PRR5L: variants seen among roughly 807,000 people sequenced by gnomAD.
PRR5L encodes the protein proline rich 5 like, also known as proline-rich protein 5-like.
Under a neutral mutation model 36.4 loss-of-function variants are expected in PRR5L, and 21 were observed. The ratio of observed to expected loss-of-function variants is 0.58; its 90% CI spans 0.41 to 0.83. PRR5L has a LOEUF of 0.83. Among genes scored for constraint, PRR5L ranks in the 40% least tolerant of loss-of-function variants. PRR5L has a pLI of 0.00. For missense variants in PRR5L, 381 were observed against 473.3 expected (o/e 0.80, Z 1.81); for synonymous variants, 188 against 197.0 (o/e 0.95, Z 0.38).
chr11:36,389,210 G>A (rs958521485), intron 1 of PRR5L, among the ~76,000 whole-genome samples: 1 of 152,090 alleles, frequency 6.6e-6, no homozygotes, highest in Non-Finnish European at 1.5e-5. Context: ...TATGGCCTTT[G>A]TCACTTCGGT....
chr11:36,367,486 T>C (rs1354844084), intron 1 of PRR5L, among the ~76,000 whole-genome samples: 1 of 152,210 alleles, frequency 6.6e-6, no homozygotes, highest in East Asian at 1.9e-4. Context: ...ACTGAGACTC[T>C]CACTGCCTTC....
chr11:36,298,716 G>A (rs541644511), intron 1 of PRR5L, among the ~76,000 whole-genome samples: 17 of 152,220 alleles, frequency 1.1e-4, no homozygotes, highest in Non-Finnish European at 1.9e-4. Context: ...TGGGGGCCCC[G>A]GGCTTAAACA....
At chr11:36,457,748 C>A (rs548909290) in intron 8 of PRR5L, among the ~76,000 whole-genome samples, 1 of 152,312 alleles carries the variant, frequency 6.6e-6, no homozygotes, top group African/African-American at 2.4e-5. Flanking sequence ...GTCTCAGAGG[C>A]CCAGACATCT....
At chr11:36,376,614 G>T in intron 1 of PRR5L, 1 of 992,802 alleles carries the variant, frequency 1.0e-6, no homozygotes, top group Non-Finnish European at 1.2e-6. Flanking sequence ...GGGAAGACCG[G>T]AAACTTTTTC....
rs1363408093 is a variant in PRR5L, at chr11:36,464,379, AT to A, written c.*1646del. 2.6e-5 allele frequency: 4 copies of A among 152,218 alleles called. No individual in the cohort carries two copies. The highest frequency in any genetic ancestry group is 9.6e-5 in the African/African-American group (4 of 41,454). The allele number at this position is 152,218 out of a possible 1,614,324, so 9.4% of individuals were successfully genotyped here. ...GATGGCATTTCCCTTCTGAGTGAAG[AT>A]TTGAAATATGATTGATTAGAATTGT... On this transcript the variant is annotated 3_prime_UTR_variant, in exon 9 of 9. Transcript: ENST00000530639.
chr11:36,383,989 T>C (rs1857415039), intron 1 of PRR5L, among the ~76,000 whole-genome samples: 1 of 152,138 alleles, frequency 6.6e-6, no homozygotes, highest in Non-Finnish European at 1.5e-5. Context: ...CAATTACTAT[T>C]CCCTTTTATT....
intron 1 of PRR5L, among the ~76,000 whole-genome samples, chr11:36,335,434 G>T (rs1856760033): frequency 6.6e-6 from 1 of 151,874 alleles, no homozygotes; most frequent in Non-Finnish European, 1.5e-5. Context: ...TGTTTGGGGG[G>T]TAATGTGAAA....
chr11:36,416,060 C>A lies in PRR5L; in HGVS notation c.246-3195C>A, dbSNP rs116758049. ...ATCTTTCATATTATTTAGAGCACTT[C>A]TTCACACCCTTTTTAAAATAGTTGC... On this transcript the variant is annotated intron_variant, in intron 3 of 8. Transcript: ENST00000530639. Among the ~76,000 whole-genome samples the A allele has an allele frequency of 5.3e-3, 809 of 152,360 alleles. 7 individuals carry two copies. The highest frequency in any genetic ancestry group is 0.018 in the African/African-American group (763 of 41,594).
chr11:36,368,329 A>C (rs186294842), intron 1 of PRR5L, among the ~76,000 whole-genome samples: 2 of 152,204 alleles, frequency 1.3e-5, no homozygotes, highest in Admixed American at 1.3e-4. Context: ...TGGGGATTTT[A>C]GGGAGGGATT....
intron 1 of PRR5L, among the ~76,000 whole-genome samples, chr11:36,308,702 A>G (rs1362603546): frequency 6.6e-6 from 1 of 152,210 alleles, no homozygotes; most frequent in Non-Finnish European, 1.5e-5. Context: ...GGGACACAGT[A>G]CACTTCCTGA....
chr11:36,345,828 G>C (rs1391275335), intron 1 of PRR5L, among the ~76,000 whole-genome samples: 1 of 152,204 alleles, frequency 6.6e-6, no homozygotes, highest in Non-Finnish European at 1.5e-5. Flanking sequence ...CAGAAAGCTG[G>C]GAAGCGTCTA....
Position 36,344,004 on chromosome 11 carries a change from G to C in PRR5L, c.-126+47566G>C, listed in dbSNP as rs1856842290. Reference sequence around the variant, plus strand: ...GGCCGAGGCGGGTGGATCACCTGAAGTCAGGAGTTCGGGACCAGCCTGGCC... The same window carrying C: ...GGCCGAGGCGGGTGGATCACCTGAACTCAGGAGTTCGGGACCAGCCTGGCC... On this transcript the variant is annotated intron_variant, in intron 1 of 8. Transcript: ENST00000530639. This position sits in a 1 kb window ranked among gnomAD's most constrained non-coding sequence, Gnocchi z 4.1. 6.6e-6 allele frequency among the ~76,000 whole-genome samples: 1 copy of C among 151,918 alleles called. No individual in the cohort carries two copies. The highest frequency in any genetic ancestry group is 2.1e-4 in the South Asian group (1 of 4,828).
intron 1 of PRR5L, among the ~76,000 whole-genome samples, chr11:36,361,158 T>A (rs985981504): frequency 2.6e-5 from 4 of 152,192 alleles, no homozygotes; most frequent in Non-Finnish European, 5.9e-5. Context: ...AATATATTAT[T>A]TGCCTTTTCT....
At chr11:36,345,544 G>A (rs371180990) in intron 1 of PRR5L, among the ~76,000 whole-genome samples, 30 of 152,300 alleles carry the variant, frequency 2.0e-4, no homozygotes, top group African/African-American at 7.2e-4. Flanking sequence ...GTGAGACAAG[G>A]TCTATAGCTT....
intron 1 of PRR5L, among the ~76,000 whole-genome samples, chr11:36,380,161 A>G (rs1055943985): frequency 2.0e-5 from 3 of 152,344 alleles, no homozygotes; most frequent in African/African-American, 7.2e-5. Flanking sequence ...ATGAGGAGAC[A>G]GGAGGTGGGT....
intron 1 of PRR5L, among the ~76,000 whole-genome samples, chr11:36,329,873 A>C (rs146829296): frequency 1.3e-5 from 2 of 152,196 alleles, no homozygotes; most frequent in Non-Finnish European, 2.9e-5. Context: ...CTCATCTGTA[A>C]GGCTGGGAAC....
chr11:36,315,409 A>G (rs1480614069), intron 1 of PRR5L, among the ~76,000 whole-genome samples: 1 of 152,148 alleles, frequency 6.6e-6, no homozygotes, highest in Non-Finnish European at 1.5e-5. Context: ...GGAAATCCTG[A>G]TGTTATTTTG....
chr11:36,359,697 C>T lies in PRR5L; in HGVS notation c.-125-41300C>T, dbSNP rs149150531. On this transcript the variant is annotated intron_variant, in intron 1 of 8. Coordinates refer to ENST00000530639, the MANE Select transcript of PRR5L (RefSeq NM_001160167.2). ...AGGAGCGGATCAACAGAGACAGAGA[C>T]GGGATAAATCCAGACTGGTCTATAA... Among the ~76,000 whole-genome samples the T allele has an allele frequency of 6.6e-5, 10 of 152,254 alleles. No individual in the cohort carries two copies. The East Asian group carries it at 7.7e-4, about 12-fold the overall frequency.
At chr11:36,360,050 CA>C (rs1857069150) in intron 1 of PRR5L, among the ~76,000 whole-genome samples, 2 of 113,954 alleles carry the variant, frequency 1.8e-5, no homozygotes, top group Non-Finnish European at 3.6e-5. Flanking sequence ...CACACACACA[CA>C]CACACACACA....
Sources: allele counts gnomAD v4.1 joint callset (sites outside exome capture counted in the v4.1 genomes callset), GRCh38; gene constraint gnomAD v4.1.1; non-coding constraint Gnocchi (gnomAD v3.1); transcripts MANE v1.5; gene names NCBI Gene and HGNC (gene_info 2026-07-23, HGNC 2026-07-21).